The following PTPRN2 variants were observed in gnomAD, a reference collection of about 807,000 sequenced individuals.
PTPRN2 encodes the protein protein tyrosine phosphatase receptor type N2, also known as receptor-type tyrosine-protein phosphatase N2.
A neutral mutation model predicts 118.8 loss-of-function variants in PTPRN2; 74 were observed. The observed-to-expected ratio is 0.62, with a 90% CI of 0.52 to 0.76. The LOEUF (loss-of-function observed/expected upper bound fraction) is 0.76. Ranked by LOEUF, PTPRN2 falls within the 30% of genes least tolerant of loss-of-function variation. The pLI, the probability that PTPRN2 is intolerant of heterozygous loss-of-function variation, is 0.00. For missense variants in PTPRN2, 1,481 were observed against 1,394.4 expected (o/e 1.06, Z -0.99); for synonymous variants, 641 against 608.0 (o/e 1.05, Z -0.80).
At chr7:158,180,355 C>G (rs558094483) in intron 5 of PTPRN2, among the ~76,000 whole-genome samples, 1 of 152,340 alleles carries the variant, frequency 6.6e-6, no homozygotes, top group East Asian at 1.9e-4. Context: ...TCTACCAGTA[C>G]CATGCTGTTT....
chr7:157,807,329 C>T (rs955936183), intron 12 of PTPRN2, among the ~76,000 whole-genome samples: 9 of 152,186 alleles, frequency 5.9e-5, no homozygotes, highest in Admixed American at 2.0e-4. Flanking sequence ...GGGGAAGCCA[C>T]AAGACGGCTG....
Position 157,585,930 on chromosome 7 carries a change from C to T in PTPRN2, c.2497-7790G>A, listed in dbSNP as rs1333637610. ...CGCATGTGTGCGGCGAGAGACTGAC[C>T]GACCATCTTTGCACTGTCCCAGGCA... is the stretch of plus-strand genomic sequence containing the variant. On this transcript the variant is annotated intron_variant, in intron 17 of 22. Coordinates refer to ENST00000389418, the MANE Select transcript of PTPRN2 (RefSeq NM_002847.5). This position sits in a 1 kb window ranked among gnomAD's most constrained non-coding sequence, Gnocchi z 5.2. Among the ~76,000 whole-genome samples the T allele has an allele frequency of 6.6e-6, 1 of 152,144 alleles. No individual in the cohort carries two copies. The highest frequency in any genetic ancestry group is 6.5e-5 in the Admixed American group (1 of 15,274).
rs57654943 is a variant in PTPRN2, at chr7:157,836,611, G to GACACACACAC, written c.1788+62052_1788+62061dup. Reference sequence around the variant, plus strand: ...CATACAAACTGAAAAGCAAAATAAAGACACACACACACACACACACATCCT... The same window carrying GACACACACAC: ...CATACAAACTGAAAAGCAAAATAAAGACACACACACACACACACACACACACACACATCCT... On this transcript the variant is annotated intron_variant, in intron 12 of 22. Transcript: ENST00000389418. 9.9e-4 allele frequency among the ~76,000 whole-genome samples: 149 copies of GACACACACAC among 150,376 alleles called. 2 individuals are homozygous for GACACACACAC. The highest frequency in any genetic ancestry group is 3.1e-3 in the African/African-American group (126 of 41,034).
intron 2 of PTPRN2, among the ~76,000 whole-genome samples, chr7:158,322,273 C>A (rs1803087884): frequency 6.6e-6 from 1 of 152,194 alleles, no homozygotes; most frequent in African/African-American, 2.4e-5. Flanking sequence ...GCTCCATGCT[C>A]CAGAGCTTCC....
rs1447626810 is a variant in PTPRN2, at chr7:157,779,186, C to T, written c.1789-96249G>A. Reference sequence around the variant, plus strand: ...AGGTAGTAGCGCTACATTGAGGATGCTGGACACGGCTTATCTCCTGGAGGA... The same window carrying T: ...AGGTAGTAGCGCTACATTGAGGATGTTGGACACGGCTTATCTCCTGGAGGA... On this transcript the variant is annotated intron_variant, in intron 12 of 22. Transcript: ENST00000389418. The surrounding 1 kb of genome is among the most constrained non-coding windows in gnomAD (Gnocchi z 4.7). Among the ~76,000 whole-genome samples the T allele has an allele frequency of 6.6e-6, 1 of 152,164 alleles. No individual in the cohort carries two copies. Among genetic ancestry groups the T allele is most frequent in the Non-Finnish European group, 1.5e-5 (1 of 68,026 alleles).
rs549377886 is a variant in PTPRN2, at chr7:157,801,846, G to T, written c.1788+96827C>A. Among the ~76,000 whole-genome samples, 148 of 152,282 alleles carry T rather than the reference G, an allele frequency of 9.7e-4. No individual in the cohort carries two copies. Among genetic ancestry groups the T allele is most frequent in the South Asian group, 5.4e-3 (26 of 4,818 alleles). ...CTGTGTCTCCCCCAAAACACACGTG[G>T]CTTATCAGAAACCTGCAGGAAAACA... On this transcript the variant is annotated intron_variant, in intron 12 of 22. Coordinates refer to ENST00000389418, the MANE Select transcript of PTPRN2 (RefSeq NM_002847.5). This position sits in a 1 kb window ranked among gnomAD's most constrained non-coding sequence, Gnocchi z 4.2.
At chr7:158,458,266 C>T (rs1818682285) in intron 2 of PTPRN2, among the ~76,000 whole-genome samples, 2 of 152,174 alleles carry the variant, frequency 1.3e-5, no homozygotes, top group African/African-American at 4.8e-5. Flanking sequence ...ATGCTCAGAC[C>T]AGTGCACCAG....
chr7:157,620,377 G>A (rs754610131), intron 15 of PTPRN2, among the ~76,000 whole-genome samples: 19 of 152,176 alleles, frequency 1.2e-4, no homozygotes, highest in Non-Finnish European at 2.4e-4. Flanking sequence ...AGAGTCACTC[G>A]GAGAACTGCT....
chr7:158,250,307 T>C (rs113044940), intron 3 of PTPRN2, among the ~76,000 whole-genome samples: 1 of 152,202 alleles, frequency 6.6e-6, no homozygotes, highest in Non-Finnish European at 1.5e-5. Context: ...TCATTCCTAC[T>C]GTTGCATAAT....
At chr7:157,945,554 GCCTCCAACTCGAACAATGCCA>G (rs1301176897) in intron 11 of PTPRN2, among the ~76,000 whole-genome samples, 2 of 152,038 alleles carry the variant, frequency 1.3e-5, no homozygotes, top group East Asian at 3.9e-4. Context: ...GGACAATGGC[GCCTCCAACTCGAACAATGCCA>G]CCTCCAACTT....
chr7:157,997,399 C>T (rs1362397794), intron 11 of PTPRN2, among the ~76,000 whole-genome samples: 1 of 152,250 alleles, frequency 6.6e-6, no homozygotes, highest in Non-Finnish European at 1.5e-5. Context: ...CCCTTGACTT[C>T]AGGACAGGGG....
intron 13 of PTPRN2, among the ~76,000 whole-genome samples, chr7:157,682,138 T>C (rs1796942823): frequency 6.6e-6 from 1 of 152,242 alleles, no homozygotes; most frequent in African/African-American, 2.4e-5. Context: ...CGACTTGGTC[T>C]GAACTTGCCT....
intron 12 of PTPRN2, among the ~76,000 whole-genome samples, chr7:157,897,897 G>A (rs915308406): frequency 2.0e-5 from 3 of 152,286 alleles, no homozygotes; most frequent in Admixed American, 6.5e-5. Flanking sequence ...AATCTCGAAC[G>A]CGGGAGCGCA....
At chr7:158,533,609 G>A (rs1168569562) in intron 1 of PTPRN2, among the ~76,000 whole-genome samples, 3 of 152,196 alleles carry the variant, frequency 2.0e-5, no homozygotes, top group Non-Finnish European at 2.9e-5. Context: ...GTCCCGCAGA[G>A]ACCGTCCTGA....
chr7:157,837,997 T>C (rs1445305190), intron 12 of PTPRN2, among the ~76,000 whole-genome samples: 1 of 151,528 alleles, frequency 6.6e-6, no homozygotes. Flanking sequence ...CCACTATGCC[T>C]ACTCCAGTTC....
chr7:157,559,050 C>T (rs185390852), intron 21 of PTPRN2, among the ~76,000 whole-genome samples: 9 of 152,350 alleles, frequency 5.9e-5, no homozygotes, highest in Non-Finnish European at 7.4e-5. Context: ...CCTTCCCACA[C>T]GCACGTTCTG....
At chr7:158,101,780 T>G (rs527286526) in intron 10 of PTPRN2, among the ~76,000 whole-genome samples, 4 of 152,200 alleles carry the variant, frequency 2.6e-5, no homozygotes, top group African/African-American at 9.6e-5. Context: ...CCAATCAGTG[T>G]GGACAGCAAA....
intron 12 of PTPRN2, among the ~76,000 whole-genome samples, chr7:157,731,170 G>C (rs1442368566): frequency 6.6e-6 from 1 of 152,056 alleles, no homozygotes; most frequent in African/African-American, 2.4e-5. Flanking sequence ...TCGTCCAGTT[G>C]TCAAATCACT....
At chr7:158,262,039 A>G (rs10949705) in intron 3 of PTPRN2, among the ~76,000 whole-genome samples, 68,044 of 151,922 alleles carry the variant, frequency 0.45, 15,631 homozygotes, top group African/African-American at 0.54. Context: ...CCCAGGTGCC[A>G]GTGGCTGCAG....
Sources: gnomAD v4.1 joint callset for allele counts (sites outside exome capture counted in the v4.1 genomes callset) on GRCh38, gnomAD v4.1.1 for gene constraint, Gnocchi (gnomAD v3.1) non-coding constraint, MANE v1.5 for transcripts, NCBI Gene and HGNC (gene_info 2026-07-23, HGNC 2026-07-21) for gene names.